The following ADAMTS17 variants were observed in gnomAD, a reference collection of about 807,000 sequenced individuals.
ADAMTS17 encodes ADAM metallopeptidase with thrombospondin type 1 motif 17.
Under a neutral mutation model 141.5 loss-of-function variants are expected in ADAMTS17, and 113 were observed. The ratio of observed to expected loss-of-function variants is 0.80; its 90% CI spans 0.69 to 0.93. ADAMTS17 has a LOEUF of 0.93. ADAMTS17 is among the 40% of genes least tolerant of loss of function. ADAMTS17 has a pLI of 0.00. For synonymous variants in ADAMTS17, 768 were observed against 630.6 expected, an observed-to-expected ratio of 1.22 and a Z score of -3.27; for missense variants, 1,659 against 1,517.9, an observed-to-expected ratio of 1.09 and a Z score of -1.54.
chr15:100,251,203 C>T (rs762065620), intron 7 of ADAMTS17, among the ~76,000 whole-genome samples: 23 of 152,184 alleles, frequency 1.5e-4, no homozygotes, highest in Admixed American at 2.6e-4. Flanking sequence ...CCAGCTGTCA[C>T]GTGAAGAACA....
At chr15:100,190,141 G>A (rs182002018) in intron 8 of ADAMTS17, among the ~76,000 whole-genome samples, 1 of 152,306 alleles carries the variant, frequency 6.6e-6, no homozygotes, top group African/African-American at 2.4e-5. Flanking sequence ...GACTCGCTAA[G>A]AAAATGATAA....
intron 14 of ADAMTS17, among the ~76,000 whole-genome samples, chr15:100,107,406 A>G (rs537773051): frequency 1.3e-5 from 2 of 152,138 alleles, no homozygotes; most frequent in East Asian, 3.9e-4. Context: ...AGGAGCTGCC[A>G]TTGTCACTAG....
At chr15:100,288,063 G>C (rs576246364) in intron 3 of ADAMTS17, among the ~76,000 whole-genome samples, 2 of 152,336 alleles carry the variant, frequency 1.3e-5, no homozygotes, top group South Asian at 2.1e-4. Flanking sequence ...GTCACAAAGT[G>C]ACAAGTTGGA....
At chr15:100,213,198 G>C (rs1307142242) in intron 7 of ADAMTS17, among the ~76,000 whole-genome samples, 4 of 152,116 alleles carry the variant, frequency 2.6e-5, no homozygotes, top group Admixed American at 6.5e-5. Context: ...TAACTGAATT[G>C]AACATGAATT....
chr15:100,172,593 C>T (rs540598205), intron 8 of ADAMTS17, among the ~76,000 whole-genome samples: 2 of 152,158 alleles, frequency 1.3e-5, no homozygotes, highest in African/African-American at 4.8e-5. Context: ...CTTTAGTTAC[C>T]TGTTCCTAAC....
At chr15:100,308,179 C>T (rs2045288751) in intron 3 of ADAMTS17, among the ~76,000 whole-genome samples, 1 of 152,162 alleles carries the variant, frequency 6.6e-6, no homozygotes, top group Non-Finnish European at 1.5e-5. Context: ...CTTTTTCTCC[C>T]ACATACACAG....
chr15:100,209,110 T>G (rs1346715570), intron 7 of ADAMTS17, among the ~76,000 whole-genome samples: 1 of 24,382 alleles, frequency 4.1e-5, no homozygotes, highest in Non-Finnish European at 8.5e-5. Flanking sequence ...TTTGCCAAGT[T>G]AGCAAAAAAA....
chr15:100,074,793 C>T (rs371168612), intron 15 of ADAMTS17, among the ~76,000 whole-genome samples: 30 of 152,134 alleles, frequency 2.0e-4, no homozygotes, highest in African/African-American at 6.5e-4. Context: ...TATAGAGGCA[C>T]GATTGGGAAA....
chr15:100,315,958 C>G (rs558719990), intron 3 of ADAMTS17, among the ~76,000 whole-genome samples: 1 of 152,208 alleles, frequency 6.6e-6, no homozygotes, highest in Non-Finnish European at 1.5e-5. Flanking sequence ...TTTGGCCAAG[C>G]CTTGAACACT....
In ADAMTS17 at chr15:100,328,425, T is replaced by G. The variant is rs112593671; in HGVS notation, c.616+2464A>C. Among the ~76,000 whole-genome samples the G allele has an allele frequency of 2.7e-3, 414 of 152,328 alleles. 1 individual carries two copies. Among genetic ancestry groups the G allele is most frequent in the African/African-American group, 9.5e-3 (395 of 41,578 alleles). On this transcript the variant is annotated intron_variant, in intron 3 of 21. Coordinates refer to ENST00000268070, the MANE Select transcript of ADAMTS17 (RefSeq NM_139057.4). The stretch of plus-strand genomic sequence containing the variant: ...AAGCAAAATATGTAACTCTCCTCTG[T>G]GTCTGTGTTCCTGACTAGTGCAGAG...
chr15:100,277,688 C>T (rs528833487), intron 4 of ADAMTS17, among the ~76,000 whole-genome samples: 1 of 152,308 alleles, frequency 6.6e-6, no homozygotes, highest in East Asian at 1.9e-4. Context: ...ACACGAGGAA[C>T]ACGGAACTAT....
intron 3 of ADAMTS17, among the ~76,000 whole-genome samples, chr15:100,303,140 TTA>T (rs986379332): frequency 6.8e-6 from 1 of 146,414 alleles, no homozygotes; most frequent in Admixed American, 6.8e-5. Flanking sequence ...ATATTTATAT[TTA>T]TATATAAACT....
chr15:100,141,913 A>G (rs943467297), intron 10 of ADAMTS17, among the ~76,000 whole-genome samples: 4 of 152,226 alleles, frequency 2.6e-5, no homozygotes, highest in Non-Finnish European at 4.4e-5. Context: ...AAGTCCACGC[A>G]CTACCGTACA....
intron 15 of ADAMTS17, among the ~76,000 whole-genome samples, chr15:100,067,539 C>T (rs543709924): frequency 3.9e-5 from 6 of 152,180 alleles, no homozygotes; most frequent in African/African-American, 1.4e-4. Context: ...TTTCTTGGGA[C>T]ACAAAGCTAT....
chr15:100,066,131 G>A (rs549182248), intron 15 of ADAMTS17, among the ~76,000 whole-genome samples: 5 of 152,272 alleles, frequency 3.3e-5, no homozygotes, highest in East Asian at 3.9e-4. Context: ...ATCATTGATG[G>A]GCATTTGGGT....
At chr15:100,287,206 A>T (rs990797017) in intron 3 of ADAMTS17, among the ~76,000 whole-genome samples, 4 of 152,096 alleles carry the variant, frequency 2.6e-5, no homozygotes, top group Admixed American at 2.6e-4. Context: ...AACAAAAAAG[A>T]TCTGATGGAG....
At position 100,225,503 on chromosome 15, in the gene ADAMTS17, T is replaced by C. The variant is rs527891687; in HGVS notation, c.1076-26080A>G. On this transcript the variant is annotated intron_variant, in intron 7 of 21. Coordinates refer to ENST00000268070, the MANE Select transcript of ADAMTS17 (RefSeq NM_139057.4). ...CAGTCACGGTCTCTGTGCCATTCAGTCCTTACAGCAGTCACGGCCTCTGTG... is the reference window on the plus strand; with the variant it reads ...CAGTCACGGTCTCTGTGCCATTCAGCCCTTACAGCAGTCACGGCCTCTGTG... Among the ~76,000 whole-genome samples the C allele has an allele frequency of 3.0e-4, 46 of 151,824 alleles. 1 individual carries two copies. The East Asian group carries it at 3.9e-3, about 13-fold the overall frequency.
chr15:100,311,849 T>G (rs2045416536), intron 3 of ADAMTS17, among the ~76,000 whole-genome samples: 1 of 151,992 alleles, frequency 6.6e-6, no homozygotes, highest in Admixed American at 6.5e-5. Context: ...AAATACTTAA[T>G]ATTGACTGTG....
intron 4 of ADAMTS17, among the ~76,000 whole-genome samples, chr15:100,264,797 G>T (rs116039885): frequency 6.6e-6 from 1 of 151,914 alleles, no homozygotes; most frequent in African/African-American, 2.4e-5. Context: ...GGAAAGTTTC[G>T]TGTTCCAGGG....
Sources: gnomAD v4.1 joint callset for allele counts (sites outside exome capture counted in the v4.1 genomes callset) on GRCh38, gnomAD v4.1.1 for gene constraint, MANE v1.5 for transcripts, NCBI Gene and HGNC (gene_info 2026-07-23, HGNC 2026-07-21) for gene names.